Variants in BICRA observed in about 807,000 individuals in gnomAD.
BICRA encodes BRD4 interacting chromatin remodeling complex associated protein.
Under a neutral mutation model 96.9 loss-of-function variants are expected in BICRA, and 31 were observed. The ratio of observed to expected loss-of-function variants is 0.32; its 90% CI spans 0.24 to 0.43. The LOEUF (loss-of-function observed/expected upper bound fraction) is 0.43, where lower values mean the gene tolerates loss of function less well. Among genes scored for constraint, BICRA ranks in the 20% least tolerant of loss-of-function variants. BICRA has a pLI of 1.00. For synonymous variants in BICRA, 1,350 were observed against 1,071.8 expected (o/e 1.26, Z -5.07); for missense variants, 2,283 against 2,190.3 (o/e 1.04, Z -0.84).
intron 5 of BICRA, 43 bp from the exon 6 acceptor site, chr19:47,679,271 AGCCCCTT>A (rs1972988301): frequency 7.4e-7 from 1 of 1,359,154 alleles, no homozygotes; most frequent in African/African-American, 1.5e-5. Flanking sequence ...GCCTAAGCGT[AGCCCCTT>A]GCTAACCTCA....
At chr19:47,623,156 C>T (rs1972090266) in intron 1 of BICRA, among the ~76,000 whole-genome samples, 1 of 151,774 alleles carries the variant, frequency 6.6e-6, no homozygotes, top group African/African-American at 2.4e-5. Flanking sequence ...TATAAAATTC[C>T]CTTTTATTTT....
Position 47,675,220 on chromosome 19 carries a change from G to A in BICRA, c.85-631G>A, listed in dbSNP as rs1972922882. On this transcript the variant is annotated intron_variant, in intron 4 of 14. Transcript: ENST00000594866. The surrounding 1 kb of genome is among the most constrained non-coding windows in gnomAD (Gnocchi z 4.7). Reference sequence around the variant, plus strand: ...TTTGGGGAAGATTCCAGAAGTCCAGGTGGTGCTGGTGGATGTACAAGTTGG... The same window carrying A: ...TTTGGGGAAGATTCCAGAAGTCCAGATGGTGCTGGTGGATGTACAAGTTGG... Among the ~76,000 whole-genome samples the A allele has an allele frequency of 6.6e-6, 1 of 152,172 alleles. No individual in the cohort carries two copies. The highest frequency in any genetic ancestry group is 1.5e-5 in the Non-Finnish European group (1 of 68,026).
At chr19:47,616,825 T>C (rs1227013445) in intron 1 of BICRA, among the ~76,000 whole-genome samples, 1 of 151,722 alleles carries the variant, frequency 6.6e-6, no homozygotes, top group Non-Finnish European at 1.5e-5. Context: ...TTATCTTTTA[T>C]TTTTATTAAT....
chr19:47,630,292 C>T (rs970580147), intron 1 of BICRA, among the ~76,000 whole-genome samples: 1 of 151,644 alleles, frequency 6.6e-6, no homozygotes, highest in African/African-American at 2.4e-5. Context: ...TTCTGAGTAG[C>T]TGGGACTATA....
intron 1 of BICRA, among the ~76,000 whole-genome samples, chr19:47,653,987 C>G (rs74690077): frequency 6.6e-6 from 1 of 152,046 alleles, no homozygotes; most frequent in Admixed American, 6.5e-5. Flanking sequence ...CGTGAGCCAC[C>G]GCACCCAGCC....
chr19:47,666,086 G>A (rs1972774295), intron 1 of BICRA, among the ~76,000 whole-genome samples: 1 of 152,180 alleles, frequency 6.6e-6, no homozygotes, highest in African/African-American at 2.4e-5. Context: ...CTATGTAACA[G>A]TCCCATGGAG....
chr19:47,614,702 C>A (rs1008821812), intron 1 of BICRA, among the ~76,000 whole-genome samples: 1 of 152,142 alleles, frequency 6.6e-6, no homozygotes, highest in Non-Finnish European at 1.5e-5. Context: ...TTTTTTTCCA[C>A]GCTTCATCTC....
chr19:47,636,680 C>T (rs1972304901), intron 1 of BICRA, among the ~76,000 whole-genome samples: 1 of 152,020 alleles, frequency 6.6e-6, no homozygotes, highest in Non-Finnish European at 1.5e-5. Flanking sequence ...GCTAATTTTT[C>T]TATTTTTAGT....
At position 47,698,639 on chromosome 19, in the gene BICRA, TG is replaced by T; in HGVS notation, c.3256del (p.Glu1086SerfsTer60). ...TLQPSKEACFLEHLHKHQGSV... is the reference protein window; with the variant it reads ...TLQPSKEACFXEHLHKHQGSV... ...TCTCCCCTTTCCACCCGCAGTTTCC[TG>T]GAGCATTTGCACAAACACCAGGGCT... On this transcript the variant is annotated frameshift_variant, in exon 12 of 15. Transcript: ENST00000594866. LOFTEE classifies it high-confidence loss of function. This position sits in a 1 kb window ranked among gnomAD's most constrained non-coding sequence, Gnocchi z 4.8. The T allele has an allele frequency of 7.7e-7, 1 of 1,293,650 alleles. No individual in the cohort carries two copies. Among genetic ancestry groups the T allele is most frequent in the Non-Finnish European group, 1.1e-6 (1 of 942,506 alleles). 80.1% of individuals were successfully genotyped at this position (1,293,650 alleles called of 1,614,324 possible).
Position 47,694,589 on chromosome 19 carries a change from C to T in BICRA, c.2758C>T (p.Pro920Ser). 6.3e-7 allele frequency: 1 copy of T among 1,586,430 alleles called. No individual in the cohort carries two copies. The highest frequency in any genetic ancestry group is 8.7e-7 in the Non-Finnish European group (1 of 1,155,876). The change falls in exon 8 of 15, where the codon CCC (proline) becomes TCC (serine). Residue 920 changes from proline to serine, a missense_variant. Coordinates refer to ENST00000594866, the MANE Select transcript of BICRA (RefSeq NM_001394372.1). Reference sequence around the variant, plus strand: ...ACCCAGCCAGGGGCCCCACAAGTCCCCCACTCCCCCTCCAACCCTCCACCT... The same window carrying T: ...ACCCAGCCAGGGGCCCCACAAGTCCTCCACTCCCCCTCCAACCCTCCACCT... ...FPPSQGPHKS[P>S]TPPPTLHLVP...
Position 47,702,870 on chromosome 19 carries a change from A to C in BICRA, c.*455A>C. On this transcript the variant is annotated 3_prime_UTR_variant, in exon 15 of 15. Transcript: ENST00000594866. ...TCTCAGCCTCTCCCCGCCGCCCCCA[A>C]CAGGCTGTCAAACAAAACCGGAGAG... The C allele has an allele frequency of 5.5e-6, 1 of 180,458 alleles. No homozygotes were observed. Among genetic ancestry groups the C allele is most frequent in the Non-Finnish European group, 1.1e-5 (1 of 87,698 alleles). The allele number at this position is 180,458 out of a possible 1,614,324, so 11.2% of individuals were successfully genotyped here. A position where few individuals can be genotyped will look rare whatever the true frequency, so the allele number is the denominator to read the frequency against.
Position 47,675,384 on chromosome 19 carries a change from C to G in BICRA, c.85-467C>G, listed in dbSNP as rs1287240174. Among the ~76,000 whole-genome samples the G allele has an allele frequency of 1.3e-5, 2 of 152,202 alleles. No individual in the cohort carries two copies. The highest frequency in any genetic ancestry group is 4.8e-5 in the African/African-American group (2 of 41,450). On this transcript the variant is annotated intron_variant, in intron 4 of 14. Transcript: ENST00000594866. The surrounding 1 kb of genome is among the most constrained non-coding windows in gnomAD (Gnocchi z 4.7). ...TGCTAAGCATCTGAGAATGCCCTGC[C>G]CTTCCAGAGATGGCACCGCATGGCT... is the stretch of plus-strand genomic sequence containing the variant.
chr19:47,629,193 C>G (rs902872189), intron 1 of BICRA, among the ~76,000 whole-genome samples: 2 of 151,694 alleles, frequency 1.3e-5, no homozygotes, highest in East Asian at 3.9e-4. Flanking sequence ...TTAGTAGAGA[C>G]GGGGTTTCAC....
Position 47,617,220 on chromosome 19 carries a change from C to T in BICRA, c.-108+8052C>T, listed in dbSNP as rs193083086. On this transcript the variant is annotated intron_variant, in intron 1 of 14. Coordinates refer to ENST00000594866, the MANE Select transcript of BICRA (RefSeq NM_001394372.1). Reference sequence around the variant, plus strand: ...CCAACTTCTGGGCTCAACAGTCCTCCGACTTTGGCCTCCCAAAGTCCTGGG... The same window carrying T: ...CCAACTTCTGGGCTCAACAGTCCTCTGACTTTGGCCTCCCAAAGTCCTGGG... Among the ~76,000 whole-genome samples, 207 of 152,242 alleles carry T rather than the reference C, an allele frequency of 1.4e-3. 1 individual carries two copies. The highest frequency in any genetic ancestry group is 2.9e-3 in the South Asian group (14 of 4,818).
At chr19:47,684,223 C>T (rs1164027123) in intron 7 of BICRA, among the ~76,000 whole-genome samples, 1 of 152,146 alleles carries the variant, frequency 6.6e-6, no homozygotes, top group Non-Finnish European at 1.5e-5. Context: ...CACTCCGTCG[C>T]CTAGGCTGCA....
intron 5 of BICRA, among the ~76,000 whole-genome samples, chr19:47,677,338 T>G (rs1423064643): frequency 2.0e-5 from 3 of 152,216 alleles, no homozygotes; most frequent in Admixed American, 1.3e-4. Flanking sequence ...TTTCCACACA[T>G]ATGCCTGCAG....
chr19:47,699,226 A>T lies in BICRA; in HGVS notation c.3493-77A>T. On this transcript the variant is annotated intron_variant, in intron 13 of 14. Coordinates refer to ENST00000594866, the MANE Select transcript of BICRA (RefSeq NM_001394372.1). The surrounding 1 kb of genome is among the most constrained non-coding windows in gnomAD (Gnocchi z 5.0). Reference sequence around the variant, plus strand: ...ATCACAAGGACAGTTTGGACCTTGCACGCATCGTCCCCGTCGCTCGCGCCC... The same window carrying T: ...ATCACAAGGACAGTTTGGACCTTGCTCGCATCGTCCCCGTCGCTCGCGCCC... The T allele has an allele frequency of 1.1e-6, 1 of 908,214 alleles. No homozygotes were observed. Among genetic ancestry groups the T allele is most frequent in the East Asian group, 2.6e-5 (1 of 38,002 alleles). The allele number at this position is 908,214 out of a possible 1,614,324, so 56.3% of individuals were successfully genotyped here.
chr19:47,687,821 C>A (rs370372717), intron 7 of BICRA, among the ~76,000 whole-genome samples: 1,496 of 123,060 alleles, frequency 0.012, no homozygotes, highest in Admixed American at 0.015. Context: ...GACTCTGCCT[C>A]AAAAAAAAAA....
chr19:47,672,609 A>G (rs1972884211), intron 2 of BICRA, among the ~76,000 whole-genome samples: 1 of 151,582 alleles, frequency 6.6e-6, no homozygotes, highest in African/African-American at 2.4e-5. Context: ...GGAGGCAGGG[A>G]AGGGAGGGAT....
Sources: allele counts gnomAD v4.1 joint callset (sites outside exome capture counted in the v4.1 genomes callset), GRCh38; gene constraint gnomAD v4.1.1; non-coding constraint Gnocchi (gnomAD v3.1); transcripts MANE v1.5; gene names NCBI Gene and HGNC (gene_info 2026-07-23, HGNC 2026-07-21).